Variants in TEAD1 observed in about 807,000 individuals in gnomAD.
TEAD1 encodes TEA domain transcription factor 1, also known as transcriptional enhancer factor TEF-1.
TEAD1 carries 9 observed loss-of-function variants against 54.9 expected under a neutral mutation model. That is an observed-to-expected ratio of 0.16 (90% CI 0.10 to 0.29). The LOEUF (loss-of-function observed/expected upper bound fraction) is 0.29. Ranked by LOEUF, TEAD1 falls within the 10% of genes least tolerant of loss-of-function variation. The pLI is 1.00. For missense variants in TEAD1, 387 were observed against 535.9 expected, an observed-to-expected ratio of 0.72 and a Z score of 2.74; for synonymous variants, 200 against 187.8, an observed-to-expected ratio of 1.07 and a Z score of -0.53.
intron 5 of TEAD1, among the ~76,000 whole-genome samples, chr11:12,875,055 A>G (rs1564972720): frequency 6.6e-6 from 1 of 152,222 alleles, no homozygotes; most frequent in South Asian, 2.1e-4. Flanking sequence ...GACTTCACAG[A>G]GCATAATTCC....
At chr11:12,861,711 G>GT (rs560076576) in intron 3 of TEAD1, among the ~76,000 whole-genome samples, 316 of 152,346 alleles carry the variant, frequency 2.1e-3, no homozygotes, top group African/African-American at 6.8e-3. Flanking sequence ...TTTCAGCTGG[G>GT]TGCGGTGGCT....
chr11:12,851,373 G>T (rs1485346421), intron 3 of TEAD1, among the ~76,000 whole-genome samples: 1 of 142,220 alleles, frequency 7.0e-6, no homozygotes, highest in African/African-American at 3.1e-5. Context: ...AACTATTGTC[G>T]TCACACACAA....
chr11:12,886,881 A>G (rs1053660096), intron 9 of TEAD1, among the ~76,000 whole-genome samples: 5 of 152,074 alleles, frequency 3.3e-5, no homozygotes, highest in Non-Finnish European at 7.4e-5. Context: ...AGATATGTTG[A>G]TGTTTCTGGC....
intron 10 of TEAD1, among the ~76,000 whole-genome samples, chr11:12,917,165 A>G (rs1948729864): frequency 6.6e-6 from 1 of 152,156 alleles, no homozygotes; most frequent in Non-Finnish European, 1.5e-5. Context: ...TTAAAGCAGA[A>G]GAGGGAGACA....
chr11:12,777,383 G>A (rs1156264980), intron 3 of TEAD1, among the ~76,000 whole-genome samples: 1 of 152,108 alleles, frequency 6.6e-6, no homozygotes, highest in Non-Finnish European at 1.5e-5. Flanking sequence ...TCTTCCCTGG[G>A]TCTGCCTCTG....
intron 3 of TEAD1, chr11:12,851,110 A>T (rs540886153): frequency 9.2e-5 from 90 of 981,030 alleles, no homozygotes; most frequent in Non-Finnish European, 1.1e-4. Context: ...ATTTATTAAA[A>T]CCATTTATTG....
chr11:12,925,991 G>A (rs1347039348), intron 11 of TEAD1, among the ~76,000 whole-genome samples: 1 of 152,062 alleles, frequency 6.6e-6, no homozygotes, highest in Non-Finnish European at 1.5e-5. Flanking sequence ...TTAAAAAGAT[G>A]TATATTTGTT....
At chr11:12,739,552 G>A (rs551696144) in intron 2 of TEAD1, among the ~76,000 whole-genome samples, 3 of 152,110 alleles carry the variant, frequency 2.0e-5, no homozygotes, top group Non-Finnish European at 2.9e-5. Context: ...TTTTGTGACC[G>A]GCTTAATTCA....
intron 12 of TEAD1, among the ~76,000 whole-genome samples, chr11:12,930,776 AG>A (rs1948999465): frequency 6.6e-6 from 1 of 152,206 alleles, no homozygotes; most frequent in Admixed American, 6.5e-5. Context: ...TATGCAAATC[AG>A]GCAAAAGCTG....
chr11:12,701,213 C>T (rs1251920388), intron 2 of TEAD1, among the ~76,000 whole-genome samples: 1 of 151,980 alleles, frequency 6.6e-6, no homozygotes, highest in African/African-American at 2.4e-5. Flanking sequence ...GAACTGTTTA[C>T]TTAGATTTTT....
At chr11:12,913,415 T>C (rs1948653331) in intron 10 of TEAD1, among the ~76,000 whole-genome samples, 1 of 152,258 alleles carries the variant, frequency 6.6e-6, no homozygotes, top group Non-Finnish European at 1.5e-5. Context: ...TGTATCCTTT[T>C]AGACTTATAC....
chr11:12,927,251 T>C (rs144067231), intron 11 of TEAD1, among the ~76,000 whole-genome samples: 2 of 152,338 alleles, frequency 1.3e-5, no homozygotes, highest in East Asian at 3.9e-4. Flanking sequence ...TGTGAAGTAG[T>C]AGTCCACTTA....
At chr11:12,899,355 G>A (rs1390815097) in intron 9 of TEAD1, among the ~76,000 whole-genome samples, 2 of 152,034 alleles carry the variant, frequency 1.3e-5, no homozygotes, top group Admixed American at 6.5e-5. Flanking sequence ...GTTTCTGATT[G>A]CCTTTATACC....
intron 4 of TEAD1, chr11:12,864,599 T>G: frequency 1.2e-5 from 13 of 1,078,698 alleles, no homozygotes; most frequent in East Asian, 7.2e-5. Flanking sequence ...AGAGTAGCGA[T>G]TTTATATTTG....
intron 3 of TEAD1, among the ~76,000 whole-genome samples, chr11:12,840,961 G>T (rs146283616): frequency 6.6e-6 from 1 of 152,292 alleles, no homozygotes; most frequent in Non-Finnish European, 1.5e-5. Context: ...AATTGAAATG[G>T]AATACTTTTT....
chr11:12,782,334 A>G (rs1380555988), intron 3 of TEAD1, among the ~76,000 whole-genome samples: 1 of 152,224 alleles, frequency 6.6e-6, no homozygotes, highest in Non-Finnish European at 1.5e-5. Context: ...AAACTGTGCT[A>G]AATGAAAAGA....
At chr11:12,902,916 A>G (rs564613723) in intron 10 of TEAD1, among the ~76,000 whole-genome samples, 4 of 152,134 alleles carry the variant, frequency 2.6e-5, no homozygotes, top group South Asian at 2.1e-4. Flanking sequence ...CAATAGCTCC[A>G]CTATAATAGA....
At chr11:12,694,790 A>G (rs893250722) in intron 2 of TEAD1, among the ~76,000 whole-genome samples, 3 of 152,178 alleles carry the variant, frequency 2.0e-5, no homozygotes, top group African/African-American at 4.8e-5. Flanking sequence ...AGAAAATGGG[A>G]CTGAAATGAG....
chr11:12,779,439 A>G (rs1191955293), intron 3 of TEAD1, among the ~76,000 whole-genome samples: 1 of 152,198 alleles, frequency 6.6e-6, no homozygotes, highest in African/African-American at 2.4e-5. Context: ...TGGCTTTGCC[A>G]CTTCACTGGC....
Sources: allele counts gnomAD v4.1 joint callset (sites outside exome capture counted in the v4.1 genomes callset), GRCh38; gene constraint gnomAD v4.1.1; transcripts MANE v1.5; gene names NCBI Gene and HGNC (gene_info 2026-07-23, HGNC 2026-07-21).